Variants in PITPNM3 observed in about 807,000 individuals in gnomAD.
PITPNM3 encodes the protein PITPNM family member 3, also known as membrane-associated phosphatidylinositol transfer protein 3.
A neutral mutation model predicts 102.0 loss-of-function variants in PITPNM3; 26 were observed. The ratio of observed to expected loss-of-function variants is 0.25; its 90% CI spans 0.19 to 0.35. The LOEUF (loss-of-function observed/expected upper bound fraction) is 0.35. Ranked by LOEUF, PITPNM3 falls within the 10% of genes least tolerant of loss-of-function variation. The pLI is 1.00. For synonymous variants in PITPNM3, 578 were observed against 558.6 expected, an observed-to-expected ratio of 1.03 and a Z score of -0.49; for missense variants, 1,083 against 1,346.1, an observed-to-expected ratio of 0.80 and a Z score of 3.06.
rs1022484303 is a variant in PITPNM3, at chr17:6,537,666, T to C, written c.118+321A>G. Among the ~76,000 whole-genome samples the C allele has an allele frequency of 3.9e-5, 6 of 152,214 alleles. No individual in the cohort carries two copies. The highest frequency in any genetic ancestry group is 8.8e-5 in the Non-Finnish European group (6 of 68,036). ...TAGTGGCGATGGTCCCCATTCGTCA[T>C]TGTATTTTCTTGGATGTCTGCCTCT... On this transcript the variant is annotated intron_variant, in intron 2 of 19. Transcript: ENST00000262483. The surrounding 1 kb of genome is among the most constrained non-coding windows in gnomAD (Gnocchi z 4.4).
chr17:6,455,632 C>G lies in PITPNM3; in HGVS notation c.2631G>C (p.Glu877Asp), dbSNP rs1446008439. Reference protein sequence around the residue: ...KYQTQCQFLSEGYAAHLAALE... With the variant: ...KYQTQCQFLSDGYAAHLAALE... The stretch of plus-strand genomic sequence containing the variant: ...GCGCGGCCAGGTGTGCGGCGTAGCC[C>G]TCGCTCAGGAACTGCGGAGGGCAGG... Residue 877 changes from glutamate (E) to aspartate (D), a missense_variant, in exon 20 of 20, where the codon GAG becomes GAC. By Grantham distance (45) the Glu-to-Asp change is conservative. Coordinates refer to ENST00000262483, the MANE Select transcript of PITPNM3 (RefSeq NM_031220.4). 6.7e-7 allele frequency: 1 copy of G among 1,499,866 alleles called. No homozygotes were observed. Among genetic ancestry groups the G allele is most frequent in the African/African-American group, 2.0e-5 (1 of 49,392 alleles). The allele number at this position is 1,499,866 out of a possible 1,614,324, so 92.9% of individuals were successfully genotyped here. A position where few individuals can be genotyped will look rare whatever the true frequency, so the allele number is the denominator to read the frequency against.
In PITPNM3 at chr17:6,474,553, C is replaced by G. The variant is rs763649204; in HGVS notation, c.1137G>C (p.Gly379=). The change falls in exon 10 of 20, where the codon GGG becomes GGC. Residue 379 remains glycine, a synonymous_variant. Transcript: ENST00000262483. ...CCAGGCTGACCTCAGGGAGCTGCGGCCCCCCAGCCGCCGGGGTCTCAGACT... is the reference window on the plus strand; with the variant it reads ...CCAGGCTGACCTCAGGGAGCTGCGGGCCCCCAGCCGCCGGGGTCTCAGACT... ...KDESETPAAG[G]PQLPEVSLGR... 1 of 1,601,546 alleles carries G rather than the reference C, an allele frequency of 6.2e-7. No individual in the cohort carries two copies. Among genetic ancestry groups the G allele is most frequent in the Non-Finnish European group, 8.5e-7 (1 of 1,174,546 alleles).
At chr17:6,535,186 G>A (rs1366315611) in intron 2 of PITPNM3, among the ~76,000 whole-genome samples, 1 of 149,062 alleles carries the variant, frequency 6.7e-6, no homozygotes, top group East Asian at 1.9e-4. Context: ...GGAAGACAGA[G>A]ACCACACCCA....
At chr17:6,484,120 G>C (rs1303962089) in intron 5 of PITPNM3, 96 bp downstream of exon 5, 2 of 1,344,164 alleles carry the variant, frequency 1.5e-6, no homozygotes, top group Non-Finnish European at 1.1e-6. Context: ...GTCAGACGAA[G>C]AGCTGGAAGA....
At chr17:6,476,162 T>C (rs1015667065) in intron 9 of PITPNM3, among the ~76,000 whole-genome samples, 2 of 151,932 alleles carry the variant, frequency 1.3e-5, no homozygotes, top group Non-Finnish European at 2.9e-5. Context: ...ATAAAGGGTT[T>C]TTTTAAAATA....
intron 3 of PITPNM3, among the ~76,000 whole-genome samples, chr17:6,524,566 C>A (rs1305786959): frequency 6.6e-6 from 1 of 152,178 alleles, no homozygotes; most frequent in Non-Finnish European, 1.5e-5. Flanking sequence ...AGCCTTGCCC[C>A]ATTGCTTCAC....
In PITPNM3 at chr17:6,474,595, G is replaced by A. The variant is rs1339162437; in HGVS notation, c.1095C>T (p.Ser365=). ...QHHAFLSSIH[S]SVLKDESETP... Reference sequence around the variant, plus strand: ...TCTCAGACTCATCCTTTAGCACGCTGGAGTGGATGCTGCGGAGGGAGGAGG... The same window carrying A: ...TCTCAGACTCATCCTTTAGCACGCTAGAGTGGATGCTGCGGAGGGAGGAGG... Residue 365 remains serine, a synonymous_variant, in exon 10 of 20, where the codon TCC becomes TCT. Coordinates refer to ENST00000262483, the MANE Select transcript of PITPNM3 (RefSeq NM_031220.4). 3.8e-6 allele frequency: 6 copies of A among 1,567,564 alleles called. No homozygotes were observed. The highest frequency in any genetic ancestry group is 5.2e-6 in the Non-Finnish European group (6 of 1,156,926).
intron 4 of PITPNM3, among the ~76,000 whole-genome samples, chr17:6,502,602 C>T (rs1907250656): frequency 6.6e-6 from 1 of 152,196 alleles, no homozygotes; most frequent in African/African-American, 2.4e-5. Flanking sequence ...AGAGCAGCCA[C>T]AGGCCTGAGC....
intron 1 of PITPNM3, among the ~76,000 whole-genome samples, chr17:6,540,879 G>C (rs1228483563): frequency 6.6e-6 from 1 of 152,084 alleles, no homozygotes; most frequent in Admixed American, 6.5e-5. Context: ...GGCTAGTCTC[G>C]AACTCCTGAC....
chr17:6,464,844 C>A, intron 14 of PITPNM3, 73 bp from the exon 15 acceptor site: 2 of 1,390,134 alleles, frequency 1.4e-6, no homozygotes, highest in South Asian at 1.2e-5. Flanking sequence ...TGCAGTGTTC[C>A]TCAGACTGGC....
At chr17:6,498,184 A>G (rs986497896) in intron 4 of PITPNM3, among the ~76,000 whole-genome samples, 3 of 152,256 alleles carry the variant, frequency 2.0e-5, no homozygotes, top group African/African-American at 7.2e-5. Flanking sequence ...CCACAAGGGC[A>G]GAGGCCAACA....
At chr17:6,460,915 C>T (rs966830707) in intron 18 of PITPNM3, 10 of 260,750 alleles carry the variant, frequency 3.8e-5, no homozygotes, top group South Asian at 9.2e-5. Context: ...CCCGAGTTTC[C>T]GAGTTTCCTG....
chr17:6,502,182 G>A (rs533548152), intron 4 of PITPNM3, among the ~76,000 whole-genome samples: 1 of 152,378 alleles, frequency 6.6e-6, no homozygotes, highest in African/African-American at 2.4e-5. Context: ...GGGTGTGGTG[G>A]CTCACGCCTA....
intron 1 of PITPNM3, among the ~76,000 whole-genome samples, chr17:6,552,292 C>G (rs1189444184): frequency 6.6e-6 from 1 of 152,142 alleles, no homozygotes; most frequent in Non-Finnish European, 1.5e-5. Flanking sequence ...CTGCTCCTGC[C>G]TAACCTGGGG....
chr17:6,495,553 G>A (rs1006505546), intron 4 of PITPNM3, among the ~76,000 whole-genome samples: 2 of 152,188 alleles, frequency 1.3e-5, no homozygotes, highest in East Asian at 1.9e-4. Context: ...TCCAGAGAGC[G>A]TGAACCCTTG....
At chr17:6,554,743 A>G (rs1910510581) in intron 1 of PITPNM3, among the ~76,000 whole-genome samples, 1 of 133,656 alleles carries the variant, frequency 7.5e-6, no homozygotes, top group South Asian at 2.2e-4. Flanking sequence ...CCTGGCTGTG[A>G]GTCCAGGCTC....
chr17:6,471,398 A>G (rs967243960), intron 11 of PITPNM3, 43 bp from the exon 12 acceptor site: 13 of 1,488,944 alleles, frequency 8.7e-6, no homozygotes, highest in Non-Finnish European at 1.8e-6. Context: ...ACGTGTCTCC[A>G]GCAGAGCTGC....
At chr17:6,506,578 G>A (rs1907523660) in intron 3 of PITPNM3, among the ~76,000 whole-genome samples, 1 of 152,146 alleles carries the variant, frequency 6.6e-6, no homozygotes, top group Non-Finnish European at 1.5e-5. Context: ...TACCATGTTG[G>A]CCAAGATGGT....
At chr17:6,541,286 A>AGAGTGTGTGTGTGTGT (rs1555561670) in intron 1 of PITPNM3, among the ~76,000 whole-genome samples, 4 of 145,710 alleles carry the variant, frequency 2.7e-5, no homozygotes, top group South Asian at 2.2e-4. Context: ...ATATGCTAAG[A>AGAGTGTGTGTGTGTGT]GTGTGTGTGT....
Sources: gnomAD v4.1 joint callset for allele counts (sites outside exome capture counted in the v4.1 genomes callset) on GRCh38, gnomAD v4.1.1 for gene constraint, Gnocchi (gnomAD v3.1) non-coding constraint, MANE v1.5 for transcripts, NCBI Gene and HGNC (gene_info 2026-07-23, HGNC 2026-07-21) for gene names.